The following SPOCK3 variants were observed in gnomAD, a reference collection of about 807,000 sequenced individuals.
The protein encoded by SPOCK3 is SPARC (osteonectin), cwcv and kazal like domains proteoglycan 3.
SPOCK3 carries 30 observed loss-of-function variants against 56.6 expected under a neutral mutation model. That is an observed-to-expected ratio of 0.53 (90% CI 0.40 to 0.72). The LOEUF (loss-of-function observed/expected upper bound fraction) is 0.72. SPOCK3 is among the 30% of genes least tolerant of loss of function. The pLI is 0.00. For missense variants in SPOCK3, 527 were observed against 530.0 expected (o/e 0.99, Z 0.06); for synonymous variants, 196 against 183.3 (o/e 1.07, Z -0.56).
intron 3 of SPOCK3, among the ~76,000 whole-genome samples, chr4:167,049,955 C>T (rs1019210414): frequency 6.6e-6 from 1 of 152,090 alleles, no homozygotes; most frequent in African/African-American, 2.4e-5. Flanking sequence ...AAAGAGTAAA[C>T]GTCCTTCAAA....
chr4:167,193,989 T>A (rs1169672252), intron 2 of SPOCK3, among the ~76,000 whole-genome samples: 2 of 152,230 alleles, frequency 1.3e-5, no homozygotes, highest in Non-Finnish European at 2.9e-5. Context: ...GAAAATTACA[T>A]AATGTGTATA....
At chr4:167,092,610 G>A (rs1332112102) in intron 2 of SPOCK3, among the ~76,000 whole-genome samples, 2 of 152,126 alleles carry the variant, frequency 1.3e-5, no homozygotes, top group Non-Finnish European at 2.9e-5. Flanking sequence ...CAGAATATCC[G>A]AAATATGAAT....
intron 2 of SPOCK3, among the ~76,000 whole-genome samples, chr4:167,208,204 T>C (rs1007520482): frequency 6.6e-6 from 1 of 151,644 alleles, no homozygotes; most frequent in Admixed American, 6.6e-5. Context: ...TGCCGAAAAG[T>C]GGGAAAAAAA....
rs557500511 is a variant in SPOCK3, at chr4:167,176,847, A to G, written c.189+57138T>C. On this transcript the variant is annotated intron_variant, in intron 2 of 10. Coordinates refer to ENST00000357545, the MANE Select transcript of SPOCK3 (RefSeq NM_001040159.2). ...AAGTGGTTCACGGGGGCAGAGAGAG[A>G]CCTGTCAAACGTTGCAAACATAGCT... Among the ~76,000 whole-genome samples the G allele has an allele frequency of 7.2e-5, 11 of 152,220 alleles. No individual in the cohort carries two copies. In the East Asian group the frequency reaches 1.9e-3, roughly 27 times the overall value.
At chr4:166,806,243 T>A (rs1035145968) in intron 6 of SPOCK3, among the ~76,000 whole-genome samples, 1 of 152,198 alleles carries the variant, frequency 6.6e-6, no homozygotes, top group East Asian at 1.9e-4. Context: ...TCTCAAATAC[T>A]TCACATGGCT....
intron 5 of SPOCK3, among the ~76,000 whole-genome samples, chr4:166,908,525 TGC>T (rs796522175): frequency 1.4e-5 from 1 of 72,944 alleles, no homozygotes; most frequent in Non-Finnish European, 2.6e-5. Flanking sequence ...TTCAAAACCA[TGC>T]ACACACACAC....
intron 6 of SPOCK3, among the ~76,000 whole-genome samples, chr4:166,856,246 T>G (rs1452908597): frequency 1.3e-5 from 2 of 151,830 alleles, no homozygotes; most frequent in East Asian, 3.9e-4. Context: ...TTCCATTAGA[T>G]AGGAGAAATA....
chr4:166,877,175 A>G (rs532648544), intron 6 of SPOCK3, among the ~76,000 whole-genome samples: 89 of 152,278 alleles, frequency 5.8e-4, no homozygotes, highest in Admixed American at 2.5e-3. Context: ...TGTACTAGTT[A>G]GTATTTTACC....
intron 5 of SPOCK3, among the ~76,000 whole-genome samples, chr4:166,907,909 C>A (rs1368510487): frequency 6.6e-6 from 1 of 151,856 alleles, no homozygotes; most frequent in Non-Finnish European, 1.5e-5. Flanking sequence ...TCAAACGCAA[C>A]CTAAGTGGAA....
chr4:167,221,780 C>A lies in SPOCK3; in HGVS notation c.189+12205G>T, dbSNP rs547870769. On this transcript the variant is annotated intron_variant, in intron 2 of 10. Transcript: ENST00000357545. ...TCACATCCATTCAGATGGCTACTAACAACAACAACAACAAAATGTAAATTA... is the reference window on the plus strand; with the variant it reads ...TCACATCCATTCAGATGGCTACTAAAAACAACAACAACAAAATGTAAATTA... 8.5e-5 allele frequency among the ~76,000 whole-genome samples: 13 copies of A among 152,054 alleles called. No homozygotes were observed. In the South Asian group the frequency reaches 2.7e-3, roughly 32 times the overall value.
rs555735583 is a variant in SPOCK3 at position 166,920,553 on chromosome 4, C to T, written c.351-7810G>A. On this transcript the variant is annotated intron_variant, in intron 4 of 10. Coordinates refer to ENST00000357545, the MANE Select transcript of SPOCK3 (RefSeq NM_001040159.2). ...TTTAACCTTAACTAGCTTACAGTGT[C>T]AGCACTGAGCAAAGTGTGAACTAAG... Among the ~76,000 whole-genome samples, 4 of 152,232 alleles carry T rather than the reference C, an allele frequency of 2.6e-5. No individual in the cohort carries two copies. In the South Asian group the frequency reaches 8.3e-4, roughly 32 times the overall value.
intron 6 of SPOCK3, among the ~76,000 whole-genome samples, chr4:166,861,238 A>G (rs992386788): frequency 3.3e-5 from 5 of 152,106 alleles, no homozygotes; most frequent in Admixed American, 3.3e-4. Flanking sequence ...AAAAACCTGG[A>G]TAAGAGCCTG....
intron 2 of SPOCK3, among the ~76,000 whole-genome samples, chr4:167,083,492 A>G (rs1757910217): frequency 2.0e-5 from 3 of 152,096 alleles, no homozygotes; most frequent in African/African-American, 7.2e-5. Context: ...CTCCATGCAG[A>G]CTGCTCCGCT....
intron 2 of SPOCK3, among the ~76,000 whole-genome samples, chr4:167,080,976 G>C (rs985240244): frequency 2.0e-5 from 3 of 150,590 alleles, no homozygotes; most frequent in Non-Finnish European, 3.0e-5. Flanking sequence ...CTCCTCCTGG[G>C]TTCAAGTGAT....
intron 2 of SPOCK3, among the ~76,000 whole-genome samples, chr4:167,186,803 C>G (rs1157436451): frequency 6.6e-6 from 1 of 151,436 alleles, no homozygotes; most frequent in Admixed American, 6.6e-5. Flanking sequence ...ATGGTGAAAC[C>G]CCATCTCTAC....
chr4:167,163,790 A>T (rs1015551594), intron 2 of SPOCK3, among the ~76,000 whole-genome samples: 1 of 152,140 alleles, frequency 6.6e-6, no homozygotes, highest in Non-Finnish European at 1.5e-5. Flanking sequence ...AAATTAGCTG[A>T]TAATCACTCA....
intron 7 of SPOCK3, among the ~76,000 whole-genome samples, chr4:166,767,039 C>T (rs1390433502): frequency 1.3e-5 from 2 of 152,080 alleles, no homozygotes; most frequent in Admixed American, 6.6e-5. Context: ...GTGATATCCC[C>T]TTTATCATTG....
chr4:166,995,894 A>G (rs1185377860), intron 4 of SPOCK3, among the ~76,000 whole-genome samples: 11 of 152,256 alleles, frequency 7.2e-5, no homozygotes, highest in African/African-American at 2.6e-4. Flanking sequence ...CAGTTCAGCA[A>G]ACATTTGTGG....
intron 2 of SPOCK3, among the ~76,000 whole-genome samples, chr4:167,140,250 C>T (rs1561258491): frequency 6.6e-6 from 1 of 152,040 alleles, no homozygotes; most frequent in Non-Finnish European, 1.5e-5. Context: ...AGTGTATATG[C>T]TCCATCAACT....
Sources: allele counts gnomAD v4.1 joint callset (sites outside exome capture counted in the v4.1 genomes callset), GRCh38; gene constraint gnomAD v4.1.1; transcripts MANE v1.5; gene names NCBI Gene and HGNC (gene_info 2026-07-23, HGNC 2026-07-21).